Variants in ARL5A observed in about 807,000 individuals in gnomAD.
The protein encoded by ARL5A is ARF like GTPase 5A.
Under a neutral mutation model 25.9 loss-of-function variants are expected in ARL5A, and 18 were observed. That is an observed-to-expected ratio of 0.69 (90% CI 0.48 to 1.03). The LOEUF is 1.03. Among genes scored for constraint, ARL5A ranks in the 50% least tolerant of loss-of-function variants. ARL5A has a pLI of 0.00. For missense variants in ARL5A, 170 were observed against 211.9 expected (o/e 0.80, Z 1.23); for synonymous variants, 61 against 67.5 (o/e 0.90, Z 0.47).
chr2:151,822,963 C>T (rs940648139), intron 1 of ARL5A, among the ~76,000 whole-genome samples: 1 of 152,224 alleles, frequency 6.6e-6, no homozygotes, highest in African/African-American at 2.4e-5. Context: ...TCCCCCAACT[C>T]ATCAGTCAAT....
At chr2:151,825,727 G>A (rs1276349768) in intron 1 of ARL5A, among the ~76,000 whole-genome samples, 1 of 151,702 alleles carries the variant, frequency 6.6e-6, no homozygotes, top group African/African-American at 2.4e-5. Context: ...TACTTTCCAA[G>A]AGTTTCTATG....
intron 1 of ARL5A, among the ~76,000 whole-genome samples, chr2:151,822,757 CAAAT>C (rs1318072613): frequency 1.3e-5 from 2 of 152,114 alleles, no homozygotes; most frequent in Non-Finnish European, 2.9e-5. Context: ...TGTATTTACT[CAAAT>C]AAGCCACAAC....
rs532638136 is a variant in ARL5A at position 151,808,945 on chromosome 2, G to A, written c.340-1973C>T. Among the ~76,000 whole-genome samples, 3 of 152,306 alleles carry A rather than the reference G, an allele frequency of 2.0e-5. No homozygotes were observed. The East Asian group carries it at 5.8e-4, about 29-fold the overall frequency. On this transcript the variant is annotated intron_variant, in intron 4 of 5. Transcript: ENST00000295087. ...CACCTGTACTCTCAGCTACTTGGGAGGCTGAGGGATGAGAATAGCTTGAAC... is the reference window on the plus strand; with the variant it reads ...CACCTGTACTCTCAGCTACTTGGGAAGCTGAGGGATGAGAATAGCTTGAAC...
chr2:151,806,414 T>C (rs1343583185), intron 5 of ARL5A, among the ~76,000 whole-genome samples: 6 of 152,192 alleles, frequency 3.9e-5, no homozygotes, highest in Admixed American at 2.6e-4. Flanking sequence ...TAAAAACAAT[T>C]ACTCTGTAGG....
intron 1 of ARL5A, among the ~76,000 whole-genome samples, chr2:151,819,675 G>A (rs984168049): frequency 6.6e-6 from 1 of 151,880 alleles, no homozygotes; most frequent in African/African-American, 2.4e-5. Flanking sequence ...CTTAGGACTT[G>A]GTTACTATGT....
At chr2:151,825,836 A>AC (rs397986292) in intron 1 of ARL5A, among the ~76,000 whole-genome samples, 1 of 151,884 alleles carries the variant, frequency 6.6e-6, no homozygotes, top group African/African-American at 2.4e-5. Context: ...AAAAAAAAAA[A>AC]CAACCCTGCT....
rs2099831207 is a variant in ARL5A at position 151,814,257 on chromosome 2, A to T, written c.167T>A (p.Val56Glu). ...PTIGSNVEEI[V>E]INNTRFLMWD... ...CATTAGGAAACGTGTATTATTAATC[A>T]CTATCTCTTCTACATTACTTCCTAT... The change falls in exon 3 of 6, where the codon GTG becomes GAG. Residue 56 changes from valine to glutamate, a missense_variant. Transcript: ENST00000295087. 1.9e-6 allele frequency: 3 copies of T among 1,604,552 alleles called. No homozygotes were observed. Among genetic ancestry groups the T allele is most frequent in the South Asian group, 1.1e-5 (1 of 89,128 alleles).
At position 151,801,379 on chromosome 2, in the gene ARL5A, G is replaced by C. The variant is rs965317760; in HGVS notation, c.*1897C>G. On this transcript the variant is annotated 3_prime_UTR_variant, in exon 6 of 6. Coordinates refer to ENST00000295087, the MANE Select transcript of ARL5A (RefSeq NM_012097.4). ...GATTATTCAAATTAAAACATAAAAA[G>C]GACAAAAGGTGTGGATTTTCTGGGC... The C allele has an allele frequency of 2.6e-5, 4 of 152,212 alleles. No homozygotes were observed. The highest frequency in any genetic ancestry group is 6.5e-5 in the Admixed American group (1 of 15,296). 9.4% of individuals were successfully genotyped at this position (152,212 alleles called of 1,614,324 possible). A position where few individuals can be genotyped will look rare whatever the true frequency, so the allele number is the denominator to read the frequency against.
At chr2:151,807,497 C>T (rs895910015) in intron 4 of ARL5A, among the ~76,000 whole-genome samples, 6 of 152,144 alleles carry the variant, frequency 3.9e-5, no homozygotes, top group Admixed American at 3.9e-4. Context: ...CAGGATTCCA[C>T]AAGAGAATTA....
At chr2:151,806,993 G>A (rs775392664) in intron 4 of ARL5A, 21 bp from the exon 5 acceptor site, 1 of 1,578,726 alleles carries the variant, frequency 6.3e-7, no homozygotes, top group Non-Finnish European at 8.6e-7. Context: ...AAATAAAACT[G>A]TAAAGGCCAA....
At chr2:151,808,819 G>A (rs1471151481) in intron 4 of ARL5A, among the ~76,000 whole-genome samples, 2 of 152,186 alleles carry the variant, frequency 1.3e-5, no homozygotes, top group Admixed American at 6.5e-5. Flanking sequence ...AGGCCGAGGT[G>A]GGTGGATCTC....
chr2:151,807,672 A>G (rs748884245), intron 4 of ARL5A, among the ~76,000 whole-genome samples: 6 of 152,136 alleles, frequency 3.9e-5, no homozygotes, highest in Non-Finnish European at 7.4e-5. Flanking sequence ...AATCCTATTC[A>G]CCCTAATTTC....
rs759905887 is a variant in ARL5A at position 151,812,389 on chromosome 2, T to C, written c.307A>G (p.Arg103Gly). 1.1e-5 allele frequency: 18 copies of C among 1,606,450 alleles called. No homozygotes were observed. The highest frequency in any genetic ancestry group is 1.5e-5 in the Non-Finnish European group (18 of 1,177,628). ...GCTAACATTTTATAGAGTTCTTCTC[T>C]AGTTACAGAAATCCTCTCTCTGTCT... ...STDRERISVT[R>G]EELYKMLAHE... The change falls in exon 4 of 6, where the codon AGA becomes GGA. Residue 103 changes from arginine to glycine, a missense_variant. Arg to Gly is a moderately radical substitution (Grantham distance 125). Coordinates refer to ENST00000295087, the MANE Select transcript of ARL5A (RefSeq NM_012097.4).
At chr2:151,803,488 C>G (rs1390270794) in intron 5 of ARL5A, among the ~76,000 whole-genome samples, 164 bp from the exon 6 acceptor site, 5 of 152,320 alleles carry the variant, frequency 3.3e-5, no homozygotes, top group Non-Finnish European at 7.4e-5. Flanking sequence ...AAGCCATATT[C>G]TCATACACAA....
chr2:151,803,842 C>A (rs1420100624), intron 5 of ARL5A, among the ~76,000 whole-genome samples: 2 of 152,168 alleles, frequency 1.3e-5, no homozygotes, highest in Non-Finnish European at 2.9e-5. Flanking sequence ...TACTCTGCAT[C>A]CTTTTTTCTA....
chr2:151,800,654 C>T lies in ARL5A; in HGVS notation c.*2622G>A, dbSNP rs1486591275. ...AGAGGTACTGGGAAGATAAAGAGAACTGAAAATTTCAAACAAGAACCCTCT... is the reference window on the plus strand; with the variant it reads ...AGAGGTACTGGGAAGATAAAGAGAATTGAAAATTTCAAACAAGAACCCTCT... On this transcript the variant is annotated 3_prime_UTR_variant, in exon 6 of 6. Transcript: ENST00000295087. The T allele has an allele frequency of 6.6e-6, 1 of 152,138 alleles. No homozygotes were observed. Among genetic ancestry groups the T allele is most frequent in the Admixed American group, 6.6e-5 (1 of 15,264 alleles). 9.4% of individuals were successfully genotyped at this position (152,138 alleles called of 1,614,324 possible).
chr2:151,815,959 A>C (rs10169098), intron 1 of ARL5A, among the ~76,000 whole-genome samples: 1 of 152,162 alleles, frequency 6.6e-6, no homozygotes, highest in African/African-American at 2.4e-5. Context: ...AAGACAGCAC[A>C]GCATGTGGTA....
At chr2:151,824,191 C>A (rs559676872) in intron 1 of ARL5A, among the ~76,000 whole-genome samples, 45 of 152,246 alleles carry the variant, frequency 3.0e-4, no homozygotes, top group African/African-American at 1.1e-3. Context: ...ATAAATTACA[C>A]GAGATATTCA....
At chr2:151,827,143 T>G (rs1200394749) in intron 1 of ARL5A, among the ~76,000 whole-genome samples, 1 of 152,148 alleles carries the variant, frequency 6.6e-6, no homozygotes, top group Non-Finnish European at 1.5e-5. Context: ...CAAACTAAGT[T>G]CCTGACAGCG....
Sources: allele counts gnomAD v4.1 joint callset (sites outside exome capture counted in the v4.1 genomes callset), GRCh38; gene constraint gnomAD v4.1.1; transcripts MANE v1.5; gene names NCBI Gene and HGNC (gene_info 2026-07-23, HGNC 2026-07-21).